The following ST18 variants were observed in gnomAD, a reference collection of about 807,000 sequenced individuals.
ST18 encodes the protein ST18 C2H2C-type zinc finger transcription factor, also known as suppression of tumorigenicity 18 protein.
Under a neutral mutation model 110.0 loss-of-function variants are expected in ST18, and 50 were observed. The observed-to-expected ratio is 0.45, with a 90% CI of 0.36 to 0.58. ST18 has a LOEUF of 0.58. Ranked by LOEUF, ST18 falls within the 20% of genes least tolerant of loss-of-function variation. ST18 has a pLI of 0.00. For missense variants in ST18, 1,306 were observed against 1,280.1 expected (o/e 1.02, Z -0.31); for synonymous variants, 461 against 452.4 (o/e 1.02, Z -0.24).
chr8:52,116,529 G>A (rs896434013), intron 24 of ST18, 111 bp from the exon 25 acceptor site: 5 of 1,057,186 alleles, frequency 4.7e-6, no homozygotes, highest in Middle Eastern at 2.1e-4. Flanking sequence ...GAGATGCAGA[G>A]ATGCATGCGT....
At chr8:52,138,078 AG>A (rs2053215141) in intron 17 of ST18, among the ~76,000 whole-genome samples, 1 of 148,728 alleles carries the variant, frequency 6.7e-6, no homozygotes, top group African/African-American at 2.5e-5. Flanking sequence ...GGGCAACAAG[AG>A]TAAAACTCTG....
chr8:52,261,560 T>C (rs1414808484), intron 2 of ST18, among the ~76,000 whole-genome samples: 1 of 152,252 alleles, frequency 6.6e-6, no homozygotes, highest in Non-Finnish European at 1.5e-5. Context: ...ATTCTGGTTC[T>C]ATTGAGTCAC....
At chr8:52,376,658 C>A (rs750929032) in intron 2 of ST18, among the ~76,000 whole-genome samples, 3 of 152,134 alleles carry the variant, frequency 2.0e-5, no homozygotes, top group African/African-American at 7.2e-5. Context: ...TTGTGGGAAG[C>A]GTCTTTGTCT....
intron 2 of ST18, among the ~76,000 whole-genome samples, chr8:52,311,536 G>A (rs1589809694): frequency 6.6e-6 from 1 of 152,116 alleles, no homozygotes; most frequent in African/African-American, 2.4e-5. Context: ...CTGCTATAAC[G>A]ATACTACCAG....
chr8:52,200,942 T>G (rs1044726203), intron 8 of ST18: 1 of 152,202 alleles, frequency 6.6e-6, no homozygotes, highest in Non-Finnish European at 1.5e-5. Flanking sequence ...GTTGGTTATA[T>G]GAGTCTGAAA....
At position 52,112,418 on chromosome 8, in the gene ST18, T is replaced by C. The variant is rs911639651; in HGVS notation, c.*780A>G. 2.0e-5 allele frequency: 3 copies of C among 152,626 alleles called. No individual in the cohort carries two copies. The highest frequency in any genetic ancestry group is 2.9e-5 in the Non-Finnish European group (2 of 68,038). 9.5% of individuals were successfully genotyped at this position (152,626 alleles called of 1,614,324 possible). ...ATCTGCATCACTAAAAAGGCTTATGTTTCTTTAAAACATTTCAAATAAATA... is the reference window on the plus strand; with the variant it reads ...ATCTGCATCACTAAAAAGGCTTATGCTTCTTTAAAACATTTCAAATAAATA... On this transcript the variant is annotated 3_prime_UTR_variant, in exon 26 of 26. Coordinates refer to ENST00000689386, the MANE Select transcript of ST18 (RefSeq NM_001352837.2).
chr8:52,152,478 G>T (rs2059058799), intron 15 of ST18, among the ~76,000 whole-genome samples: 1 of 152,184 alleles, frequency 6.6e-6, no homozygotes, highest in East Asian at 1.9e-4. Flanking sequence ...TCTCTTGGGG[G>T]TAGGTATAGG....
At chr8:52,318,354 T>C (rs900346013) in intron 2 of ST18, among the ~76,000 whole-genome samples, 3 of 152,050 alleles carry the variant, frequency 2.0e-5, no homozygotes, top group Admixed American at 1.3e-4. Flanking sequence ...TGAGATACCA[T>C]CTTACACCAG....
At chr8:52,325,782 T>G (rs1806053924) in intron 2 of ST18, among the ~76,000 whole-genome samples, 1 of 152,210 alleles carries the variant, frequency 6.6e-6, no homozygotes, top group South Asian at 2.1e-4. Flanking sequence ...ACTCTTTTTC[T>G]GTTATTACCC....
chr8:52,340,191 G>A (rs1157850542), intron 2 of ST18, among the ~76,000 whole-genome samples: 1 of 152,262 alleles, frequency 6.6e-6, no homozygotes, highest in African/African-American at 2.4e-5. Context: ...GCCAGACCCT[G>A]AGCCTCAACT....
intron 15 of ST18, among the ~76,000 whole-genome samples, chr8:52,155,706 T>C (rs993335416): frequency 3.3e-5 from 5 of 152,136 alleles, no homozygotes; most frequent in Non-Finnish European, 7.3e-5. Flanking sequence ...AAATCAAAGT[T>C]TTTTTGCCCC....
chr8:52,327,237 C>T (rs1435776096), intron 2 of ST18, among the ~76,000 whole-genome samples: 1 of 152,194 alleles, frequency 6.6e-6, no homozygotes, highest in Non-Finnish European at 1.5e-5. Flanking sequence ...CTGCATTCTC[C>T]CATACCAATG....
intron 2 of ST18, among the ~76,000 whole-genome samples, chr8:52,399,508 T>G (rs140662364): frequency 2.0e-5 from 3 of 152,084 alleles, no homozygotes; most frequent in African/African-American, 7.2e-5. Flanking sequence ...TTTAGCTCCT[T>G]GAGGCATATT....
Position 52,113,153 on chromosome 8 carries a change from G to A in ST18, c.*45C>T, listed in dbSNP as rs769551905. 5.6e-6 allele frequency: 9 copies of A among 1,608,836 alleles called. No individual in the cohort carries two copies. In the East Asian group the frequency reaches 1.8e-4, roughly 32 times the overall value. The stretch of plus-strand genomic sequence containing the variant: ...TGAACCTCTAACAGATCCATCTGGA[G>A]TTTACTGCTGTTGGTAACTTCTGTT... On this transcript the variant is annotated 3_prime_UTR_variant, in exon 26 of 26. Transcript: ENST00000689386.
intron 23 of ST18, among the ~76,000 whole-genome samples, chr8:52,120,126 G>C (rs144409999): frequency 3.3e-5 from 5 of 152,112 alleles, no homozygotes; most frequent in African/African-American, 1.2e-4. Context: ...TTGGAGCCCC[G>C]TATTTTACTG....
intron 2 of ST18, among the ~76,000 whole-genome samples, chr8:52,244,072 A>G (rs942723115): frequency 3.3e-5 from 5 of 152,154 alleles, no homozygotes; most frequent in African/African-American, 4.8e-5. Context: ...AGACTTGATT[A>G]TGGAAGAAAC....
At chr8:52,121,754 C>T (rs1461768303) in intron 23 of ST18, among the ~76,000 whole-genome samples, 1 of 152,098 alleles carries the variant, frequency 6.6e-6, no homozygotes, top group East Asian at 1.9e-4. Context: ...AAAAGGTGTG[C>T]CCTGATGTTT....
chr8:52,313,357 A>C (rs539328792), intron 2 of ST18: 1 of 152,726 alleles, frequency 6.5e-6, no homozygotes, highest in Admixed American at 6.5e-5. Flanking sequence ...GTGTCTGGGT[A>C]CACACCACAT....
At chr8:52,171,656 A>G (rs1284197556) in intron 10 of ST18, 136 bp downstream of exon 10, 1 of 926,130 alleles carries the variant, frequency 1.1e-6, no homozygotes, top group Admixed American at 2.1e-5. Context: ...GAAATTGTTT[A>G]TTTTATAATT....
Sources: gnomAD v4.1 joint callset for allele counts (sites outside exome capture counted in the v4.1 genomes callset) on GRCh38, gnomAD v4.1.1 for gene constraint, MANE v1.5 for transcripts, NCBI Gene and HGNC (gene_info 2026-07-23, HGNC 2026-07-21) for gene names.